Variants in MAF observed in about 807,000 individuals in gnomAD.
MAF encodes the protein transcription factor Maf.
In MAF, 10 loss-of-function variants were observed where a neutral mutation model predicts 22.0. The ratio of observed to expected loss-of-function variants is 0.45; its 90% CI spans 0.28 to 0.77. The LOEUF (loss-of-function observed/expected upper bound fraction) is 0.77. MAF is among the 30% of genes least tolerant of loss of function. MAF has a pLI of 0.12. For synonymous variants in MAF, 337 were observed against 255.8 expected, an observed-to-expected ratio of 1.32 and a Z score of -3.03; for missense variants, 544 against 548.4, an observed-to-expected ratio of 0.99 and a Z score of 0.08.
At chr16:79,553,384 G>C in the MAF span, among the ~76,000 whole-genome samples, 1 of 152,212 alleles carries the variant, frequency 6.6e-6, no homozygotes, top group Non-Finnish European at 1.5e-5. Flanking sequence ...ATAGAGGAGG[G>C]GCTGGTGTGA....
At chr16:79,334,013 ACTGT>A in the MAF span, among the ~76,000 whole-genome samples, 3 of 152,222 alleles carry the variant, frequency 2.0e-5, no homozygotes. Context: ...GAGACATCTC[ACTGT>A]CTGAATGACT....
chr16:79,249,412 C>T, the MAF span, among the ~76,000 whole-genome samples: 2 of 111,670 alleles, frequency 1.8e-5, no homozygotes, highest in African/African-American at 6.5e-5. Context: ...GAGTGAAACT[C>T]CGTTTCAAAA....
the MAF span, among the ~76,000 whole-genome samples, chr16:79,378,968 G>C: frequency 3.3e-5 from 5 of 152,112 alleles, no homozygotes; most frequent in East Asian, 9.6e-4. Flanking sequence ...TTTTAATTTG[G>C]ATTAGAGTAA....
chr16:79,229,885 A>T, the MAF span, among the ~76,000 whole-genome samples: 3 of 152,076 alleles, frequency 2.0e-5, no homozygotes, highest in Non-Finnish European at 4.4e-5. Context: ...TGCTTGCGGC[A>T]GCCTGTGTAT....
the MAF span, among the ~76,000 whole-genome samples, chr16:79,268,941 TC>T: frequency 6.6e-6 from 1 of 152,188 alleles, no homozygotes; most frequent in East Asian, 1.9e-4. Flanking sequence ...GGAGTAATGA[TC>T]AGGATCTCTT....
the MAF span, among the ~76,000 whole-genome samples, chr16:79,401,607 G>T: frequency 4.6e-5 from 7 of 152,050 alleles, no homozygotes; most frequent in African/African-American, 1.7e-4. Context: ...ATGAACTTTA[G>T]AGAAAGAAAT....
chr16:79,228,304 C>T, the MAF span, among the ~76,000 whole-genome samples: 11 of 151,992 alleles, frequency 7.2e-5, no homozygotes, highest in Non-Finnish European at 1.0e-4. Flanking sequence ...AGCGTGAATA[C>T]CTAAGAAACA....
the MAF span, among the ~76,000 whole-genome samples, chr16:79,373,414 G>T: frequency 9.7e-6 from 1 of 103,498 alleles, no homozygotes; most frequent in Non-Finnish European, 1.8e-5. Flanking sequence ...ACACAGTCTC[G>T]CTCTGTCTCC....
the MAF span, among the ~76,000 whole-genome samples, chr16:79,485,279 C>T: frequency 6.6e-6 from 1 of 152,184 alleles, no homozygotes; most frequent in Non-Finnish European, 1.5e-5. Context: ...TACTACTTGC[C>T]TCATAGGGTT....
At chr16:79,484,925 G>A in the MAF span, among the ~76,000 whole-genome samples, 1 of 152,200 alleles carries the variant, frequency 6.6e-6, no homozygotes, top group Non-Finnish European at 1.5e-5. Context: ...TTAGAACCAG[G>A]CAGATCTGGC....
At chr16:79,487,912 T>G in the MAF span, among the ~76,000 whole-genome samples, 4 of 152,306 alleles carry the variant, frequency 2.6e-5, no homozygotes, top group Admixed American at 2.6e-4. Flanking sequence ...ATGAGAATCT[T>G]TCCACGCAGG....
the MAF span, among the ~76,000 whole-genome samples, chr16:79,474,705 T>C: frequency 6.6e-6 from 1 of 152,172 alleles, no homozygotes; most frequent in Admixed American, 6.5e-5. Flanking sequence ...TGAATATTTA[T>C]TTTTTGCTGG....
the MAF span, among the ~76,000 whole-genome samples, chr16:79,325,773 T>C: frequency 6.6e-6 from 1 of 152,234 alleles, no homozygotes; most frequent in African/African-American, 2.4e-5. Flanking sequence ...CTAGCTTTTG[T>C]CTTATTCATC....
At chr16:79,562,005 T>G in the MAF span, among the ~76,000 whole-genome samples, 1 of 152,188 alleles carries the variant, frequency 6.6e-6, no homozygotes, top group East Asian at 1.9e-4. Context: ...CAATCACTTA[T>G]GTTTGCAAGC....
chr16:79,263,686 G>T, the MAF span, among the ~76,000 whole-genome samples: 16 of 152,174 alleles, frequency 1.1e-4, no homozygotes, highest in East Asian at 3.9e-4. Context: ...CATGTGGAGT[G>T]GGGGAGGAGG....
chr16:79,501,258 T>C, the MAF span, among the ~76,000 whole-genome samples: 1 of 152,206 alleles, frequency 6.6e-6, no homozygotes, highest in Non-Finnish European at 1.5e-5. Flanking sequence ...AGATCCTTCT[T>C]TTCCCTCTGT....
At chr16:79,295,886 C>G in the MAF span, among the ~76,000 whole-genome samples, 4 of 152,342 alleles carry the variant, frequency 2.6e-5, no homozygotes, top group South Asian at 8.3e-4. Context: ...TTGCCCAAGG[C>G]ATTTAGGACA....
At chr16:79,303,349 G>A in the MAF span, among the ~76,000 whole-genome samples, 1 of 152,202 alleles carries the variant, frequency 6.6e-6, no homozygotes, top group African/African-American at 2.4e-5. Context: ...GCTTATGATA[G>A]CTTCAGAGCC....
chr16:79,230,956 A>G, the MAF span, among the ~76,000 whole-genome samples: 2 of 152,130 alleles, frequency 1.3e-5, no homozygotes, highest in African/African-American at 4.8e-5. Flanking sequence ...ATATACGGAT[A>G]TCACTTGCCT....
Sources: allele counts gnomAD v4.1 joint callset (sites outside exome capture counted in the v4.1 genomes callset), GRCh38; gene constraint gnomAD v4.1.1; transcripts MANE v1.5; gene names NCBI Gene and HGNC (gene_info 2026-07-23, HGNC 2026-07-21).